CNTN3: variants seen among roughly 807,000 people sequenced by gnomAD.
The protein encoded by CNTN3 is contactin 3.
In CNTN3, 60 loss-of-function variants were observed where a neutral mutation model predicts 119.1. That is an observed-to-expected ratio of 0.50 (90% CI 0.41 to 0.62). CNTN3 has a LOEUF of 0.62. Ranked by LOEUF, CNTN3 falls within the 20% of genes least tolerant of loss-of-function variation. CNTN3 has a pLI of 0.00. For missense variants in CNTN3, 1,101 were observed against 1,242.4 expected, an observed-to-expected ratio of 0.89 and a Z score of 1.71; for synonymous variants, 450 against 438.7, an observed-to-expected ratio of 1.03 and a Z score of -0.32.
At chr3:74,551,126 T>G (rs1703983709) in intron 1 of CNTN3, among the ~76,000 whole-genome samples, 2 of 152,146 alleles carry the variant, frequency 1.3e-5, no homozygotes, top group Admixed American at 6.5e-5. Context: ...CAGAAATGGG[T>G]TTGTCTTTCC....
At chr3:74,413,942 C>T (rs1451713668) in intron 5 of CNTN3, among the ~76,000 whole-genome samples, 1 of 152,092 alleles carries the variant, frequency 6.6e-6, no homozygotes, top group Admixed American at 6.6e-5. Flanking sequence ...ACAATAACAA[C>T]AATAACAACA....
intron 4 of CNTN3, among the ~76,000 whole-genome samples, chr3:74,474,152 T>G (rs1702613312): frequency 6.6e-6 from 1 of 152,026 alleles, no homozygotes; most frequent in Non-Finnish European, 1.5e-5. Context: ...GTGGTACTGG[T>G]GGGAAGAGTG....
At chr3:74,349,040 C>T (rs1205222926) in intron 11 of CNTN3, among the ~76,000 whole-genome samples, 1 of 150,928 alleles carries the variant, frequency 6.6e-6, no homozygotes, top group African/African-American at 2.4e-5. Context: ...GAGTTATGAT[C>T]ATGTCATTGT....
chr3:74,398,887 T>C (rs565631699), intron 5 of CNTN3, among the ~76,000 whole-genome samples: 5 of 152,290 alleles, frequency 3.3e-5, no homozygotes, highest in African/African-American at 1.2e-4. Flanking sequence ...AGAAAAACTG[T>C]TTAATTGACA....
At chr3:74,411,228 A>T (rs1701433622) in intron 5 of CNTN3, among the ~76,000 whole-genome samples, 1 of 151,608 alleles carries the variant, frequency 6.6e-6, no homozygotes. Flanking sequence ...AAAAAAAGTC[A>T]CTCTATTTGA....
intron 2 of CNTN3, among the ~76,000 whole-genome samples, chr3:74,520,024 G>GT (rs1203580379): frequency 6.6e-6 from 1 of 151,458 alleles, no homozygotes; most frequent in East Asian, 1.9e-4. Flanking sequence ...AATAACATGT[G>GT]TTTTACCTGA....
chr3:74,369,294 C>T lies in CNTN3; in HGVS notation c.841G>A (p.Val281Met), dbSNP rs757335836. 39 of 1,610,898 alleles carry T rather than the reference C, an allele frequency of 2.4e-5. No homozygotes were observed. Among genetic ancestry groups the T allele is most frequent in the Non-Finnish European group, 3.2e-5 (38 of 1,178,554 alleles). Residue 281 changes from valine (V) to methionine (M), a missense_variant, in exon 8 of 23, where the codon GTG (valine) becomes ATG (methionine). Coordinates refer to ENST00000263665, the MANE Select transcript of CNTN3 (RefSeq NM_020872.3). ...TGTTGGAAGTTGGGGATTTCAAGCA[C>T]ACCACTGAACTTCCTTAATTTAATT... ...SKIKLRKFSGVLEIPNFQQED... is the reference protein window; with the variant it reads ...SKIKLRKFSGMLEIPNFQQED...
chr3:74,542,530 G>A (rs777725148), intron 1 of CNTN3, among the ~76,000 whole-genome samples: 48 of 151,890 alleles, frequency 3.2e-4, no homozygotes, highest in Admixed American at 9.2e-4. Flanking sequence ...AGTTCTTAAC[G>A]CATACTGATC....
chr3:74,459,076 T>C (rs1238248495), intron 4 of CNTN3, among the ~76,000 whole-genome samples: 1 of 152,128 alleles, frequency 6.6e-6, no homozygotes, highest in East Asian at 1.9e-4. Context: ...ACTGACTGAG[T>C]GTTCCACATA....
chr3:74,374,283 GTT>G (rs397874867), intron 5 of CNTN3, among the ~76,000 whole-genome samples: 9 of 142,674 alleles, frequency 6.3e-5, no homozygotes, highest in African/African-American at 2.3e-4. Context: ...CTTTTTTCCA[GTT>G]TTTTTTTTTT....
chr3:74,432,232 A>G (rs1436010300), intron 4 of CNTN3, among the ~76,000 whole-genome samples: 3 of 152,098 alleles, frequency 2.0e-5, no homozygotes, highest in Non-Finnish European at 4.4e-5. Context: ...ATACCCAGAA[A>G]AGCAATCAAA....
intron 20 of CNTN3, among the ~76,000 whole-genome samples, chr3:74,271,954 G>C (rs962205279): frequency 7.9e-5 from 12 of 152,130 alleles, no homozygotes; most frequent in Admixed American, 6.5e-5. Context: ...AACCTAGAAC[G>C]CCAGGGAAGG....
chr3:74,514,399 G>A (rs1575799725), intron 2 of CNTN3, among the ~76,000 whole-genome samples: 1 of 152,042 alleles, frequency 6.6e-6, no homozygotes, highest in South Asian at 2.1e-4. Context: ...TTAATATGAT[G>A]TTTTTGTAGC....
intron 2 of CNTN3, among the ~76,000 whole-genome samples, chr3:74,517,589 A>C (rs1054926605): frequency 1.3e-5 from 2 of 151,860 alleles, no homozygotes; most frequent in Non-Finnish European, 2.9e-5. Flanking sequence ...ACATTCCAGT[A>C]ATTCAAGGCT....
chr3:74,280,406 G>A (rs992356815), intron 20 of CNTN3, among the ~76,000 whole-genome samples: 5 of 152,190 alleles, frequency 3.3e-5, no homozygotes, highest in African/African-American at 1.2e-4. Context: ...CTGGGCATGT[G>A]TTTCAGGCCA....
intron 1 of CNTN3, among the ~76,000 whole-genome samples, chr3:74,572,036 C>G (rs1704343407): frequency 6.6e-6 from 1 of 151,710 alleles, no homozygotes; most frequent in East Asian, 1.9e-4. Context: ...TGCAACTCTT[C>G]TCATCAACTG....
intron 4 of CNTN3, among the ~76,000 whole-genome samples, chr3:74,445,259 T>G (rs1325932986): frequency 5.3e-5 from 8 of 152,108 alleles, no homozygotes; most frequent in Non-Finnish European, 1.0e-4. Context: ...TTTGTTTTGA[T>G]TTTTTGTTTT....
intron 1 of CNTN3, among the ~76,000 whole-genome samples, chr3:74,608,346 T>A (rs1023930710): frequency 6.6e-6 from 1 of 152,186 alleles, no homozygotes; most frequent in African/African-American, 2.4e-5. Context: ...CATTTATAAG[T>A]AATTATTTAT....
intron 1 of CNTN3, among the ~76,000 whole-genome samples, chr3:74,522,149 A>G (rs978072670): frequency 6.6e-6 from 1 of 151,698 alleles, no homozygotes; most frequent in African/African-American, 2.4e-5. Context: ...GTCCCAAATA[A>G]TAAGAACTCA....
Sources: gnomAD v4.1 joint callset for allele counts (sites outside exome capture counted in the v4.1 genomes callset) on GRCh38, gnomAD v4.1.1 for gene constraint, MANE v1.5 for transcripts, NCBI Gene and HGNC (gene_info 2026-07-23, HGNC 2026-07-21) for gene names.